MNDA: variants seen among roughly 807,000 people sequenced by gnomAD.
MNDA encodes the protein myeloid cell nuclear differentiation antigen.
A neutral mutation model predicts 37.8 loss-of-function variants in MNDA; 43 were observed. The observed-to-expected ratio is 1.14, with a 90% CI of 0.89 to 1.47. The LOEUF (loss-of-function observed/expected upper bound fraction) is 1.47, where lower values mean the gene tolerates loss of function less well. MNDA is among the 40% of genes most tolerant of loss of function. The pLI, the probability that MNDA is intolerant of heterozygous loss-of-function variation, is 0.00. For missense variants in MNDA, 536 were observed against 476.0 expected (o/e 1.13, Z -1.17); for synonymous variants, 181 against 169.0 (o/e 1.07, Z -0.55).
intron 4 of MNDA, 56 bp from the exon 5 acceptor site, chr1:158,845,531 C>T (rs1349313336): frequency 2.0e-5 from 30 of 1,535,266 alleles, no homozygotes; most frequent in Non-Finnish European, 2.5e-5. Context: ...TGAGCCACCG[C>T]GCCCGGCCTC....
Position 158,842,136 on chromosome 1 carries a change from C to G in MNDA, c.-18C>G, listed in dbSNP as rs1659038661. ...TGTGTGTCATTTTTACTTTATAGGC[C>G]AAGCTATAACATCAGAAATGGTGAA... On this transcript the variant is annotated splice_region_variant and 5_prime_UTR_variant, in exon 2 of 7. Transcript: ENST00000368141. 1 of 1,587,906 alleles carries G rather than the reference C, an allele frequency of 6.3e-7. No homozygotes were observed. The highest frequency in any genetic ancestry group is 1.8e-5 in the Admixed American group (1 of 54,574).
rs376527209 is a variant in MNDA at position 158,845,579 on chromosome 1, C to A, written c.571-8C>A. ...TTAAGTTTATTTTCTTGTGTCTGCC[C>A]AACACAGAATCAGGAAACCCAGGCC... On this transcript the variant is annotated splice_polypyrimidine_tract_variant and splice_region_variant and intron_variant, in intron 4 of 6. Coordinates refer to ENST00000368141, the MANE Select transcript of MNDA (RefSeq NM_002432.3). 6.2e-7 allele frequency: 1 copy of A among 1,604,964 alleles called. No homozygotes were observed. Among genetic ancestry groups the A allele is most frequent in the African/African-American group, 1.3e-5 (1 of 74,248 alleles).
chr1:158,837,593 C>T (rs536303240), intron 1 of MNDA, among the ~76,000 whole-genome samples: 22 of 151,864 alleles, frequency 1.4e-4, no homozygotes, highest in African/African-American at 5.3e-4. Context: ...GTCCTTACAT[C>T]TGTAAAATGA....
At chr1:158,846,063 T>C (rs1659127956) in intron 5 of MNDA, 60 bp downstream of exon 5, 1 of 1,428,672 alleles carries the variant, frequency 7.0e-7, no homozygotes. Context: ...ATGTCTTAAT[T>C]TGCCAGACTT....
intron 1 of MNDA, among the ~76,000 whole-genome samples, chr1:158,832,709 T>TA (rs1202001125): frequency 6.6e-6 from 1 of 151,974 alleles, no homozygotes; most frequent in African/African-American, 2.4e-5. Flanking sequence ...TAAGCTACAC[T>TA]ATTTTTCCTA....
chr1:158,841,789 T>C (rs1478387330), intron 1 of MNDA, among the ~76,000 whole-genome samples: 1 of 152,074 alleles, frequency 6.6e-6, no homozygotes, highest in Admixed American at 6.6e-5. Context: ...CATTGAGGGA[T>C]AGGCTCAGGC....
Position 158,844,557 on chromosome 1 carries a change from G to A in MNDA, c.570+435G>A, listed in dbSNP as rs542767116. On this transcript the variant is annotated intron_variant, in intron 4 of 6. Transcript: ENST00000368141. ...ACTTGTCCTTTTTCCATTGTTGTTAGCATTTTAGCCACTGTGAAATGCTGT... is the reference window on the plus strand; with the variant it reads ...ACTTGTCCTTTTTCCATTGTTGTTAACATTTTAGCCACTGTGAAATGCTGT... 2.0e-5 allele frequency among the ~76,000 whole-genome samples: 3 copies of A among 150,670 alleles called. No individual in the cohort carries two copies. The South Asian group carries it at 6.3e-4, about 32-fold the overall frequency.
At chr1:158,843,896 A>G in intron 3 of MNDA, 59 bp from the exon 4 acceptor site, 1 of 1,453,684 alleles carries the variant, frequency 6.9e-7, no homozygotes, top group Admixed American at 2.4e-5. Context: ...AAAAATGAAA[A>G]CTTGCTCTGC....
chr1:158,839,148 A>G (rs1658981221), intron 1 of MNDA, among the ~76,000 whole-genome samples: 1 of 151,926 alleles, frequency 6.6e-6, no homozygotes, highest in Non-Finnish European at 1.5e-5. Context: ...TTCTTTGTAT[A>G]CCTTTTGTTG....
At chr1:158,847,694 C>G (rs554078306) in intron 5 of MNDA, 34 bp from the exon 6 acceptor site, 1 of 1,580,708 alleles carries the variant, frequency 6.3e-7, no homozygotes, top group Admixed American at 1.7e-5. Flanking sequence ...ACTAACAATC[C>G]TCTCAGAAAC....
chr1:158,841,034 G>T (rs888878700), intron 1 of MNDA, among the ~76,000 whole-genome samples: 3 of 152,066 alleles, frequency 2.0e-5, no homozygotes, highest in Admixed American at 6.5e-5. Flanking sequence ...TACACAAGGG[G>T]TTAAAGAGGC....
At chr1:158,833,608 T>C (rs1658849800) in intron 1 of MNDA, among the ~76,000 whole-genome samples, 1 of 152,246 alleles carries the variant, frequency 6.6e-6, no homozygotes, top group East Asian at 1.9e-4. Flanking sequence ...CTGGCTTTTT[T>C]CATTTCATGT....
chr1:158,835,895 T>A (rs563839095), intron 1 of MNDA, among the ~76,000 whole-genome samples: 1 of 152,006 alleles, frequency 6.6e-6, no homozygotes, highest in African/African-American at 2.4e-5. Flanking sequence ...TGATCATTTT[T>A]TTTTTGTCTT....
At position 158,839,034 on chromosome 1, in the gene MNDA, G is replaced by A. The variant is rs868817049; in HGVS notation, c.-20-3100G>A. Among the ~76,000 whole-genome samples, 4 of 151,960 alleles carry A rather than the reference G, an allele frequency of 2.6e-5. No homozygotes were observed. In the Middle Eastern group the frequency reaches 0.01, roughly 388 times the overall value. On this transcript the variant is annotated intron_variant, in intron 1 of 6. Transcript: ENST00000368141. ...CCTTTAACTCATTTATCATATTTAA[G>A]AGTGCTGTTTTAGTCTTTGACAAGA...
Position 158,842,357 on chromosome 1 carries a change from T to G in MNDA, c.204T>G (p.Leu68=). The G allele has an allele frequency of 6.2e-7, 1 of 1,613,970 alleles. No homozygotes were observed. Among genetic ancestry groups the G allele is most frequent in the Non-Finnish European group, 8.5e-7 (1 of 1,179,974 alleles). The part of the protein sequence containing the change: ...GVACLDKLIE[L]AKDMPSLKNL... The stretch of plus-strand genomic sequence containing the variant: ...CCTGTCTAGACAAACTAATAGAACT[T>G]GCCAAAGATATGCCATCACTTAAAA... The change falls in exon 2 of 7, where the codon CTT becomes CTG. Residue 68 remains leucine, a synonymous_variant. Coordinates refer to ENST00000368141, the MANE Select transcript of MNDA (RefSeq NM_002432.3).
chr1:158,835,902 T>G (rs1658903615), intron 1 of MNDA, among the ~76,000 whole-genome samples: 1 of 151,864 alleles, frequency 6.6e-6, no homozygotes, highest in African/African-American at 2.4e-5. Context: ...TTTTTTTTTG[T>G]CTTTCATTCT....
At chr1:158,844,165 G>A in intron 4 of MNDA, 43 bp downstream of exon 4, 1 of 1,445,514 alleles carries the variant, frequency 6.9e-7, no homozygotes, top group Non-Finnish European at 9.3e-7. Context: ...TTTTAACCCA[G>A]TCACAGTGCA....
chr1:158,840,380 G>A (rs1465348517), intron 1 of MNDA, among the ~76,000 whole-genome samples: 2 of 152,106 alleles, frequency 1.3e-5, no homozygotes, highest in Admixed American at 1.3e-4. Flanking sequence ...TCTTCACAGG[G>A]TGGCAGGAGA....
chr1:158,847,953 A>C lies in MNDA; in HGVS notation c.1176+37A>C, dbSNP rs983805874. On this transcript the variant is annotated intron_variant, in intron 6 of 6. Transcript: ENST00000368141. Reference sequence around the variant, plus strand: ...ATAGAGGAGAATGAGTTTGCTAAAGAGGCAAATAATTTTGCTTAGGCTTTG... The same window carrying C: ...ATAGAGGAGAATGAGTTTGCTAAAGCGGCAAATAATTTTGCTTAGGCTTTG... 1.9e-6 allele frequency: 3 copies of C among 1,582,652 alleles called. No homozygotes were observed. The African/African-American group carries it at 4.1e-5, about 21-fold the overall frequency.
Sources: gnomAD v4.1 joint callset for allele counts (sites outside exome capture counted in the v4.1 genomes callset) on GRCh38, gnomAD v4.1.1 for gene constraint, MANE v1.5 for transcripts, NCBI Gene and HGNC (gene_info 2026-07-23, HGNC 2026-07-21) for gene names.